KIAA1549L: variants seen among roughly 807,000 people sequenced by gnomAD.
KIAA1549L encodes the protein UPF0606 protein KIAA1549L.
Under a neutral mutation model 160.7 loss-of-function variants are expected in KIAA1549L, and 88 were observed. That is an observed-to-expected ratio of 0.55 (90% CI 0.46 to 0.65). The LOEUF (loss-of-function observed/expected upper bound fraction) is 0.65, where lower values mean the gene tolerates loss of function less well. KIAA1549L is among the 30% of genes least tolerant of loss of function. The pLI, the probability that KIAA1549L is intolerant of heterozygous loss-of-function variation, is 0.00. For missense variants in KIAA1549L, 2,258 were observed against 2,437.5 expected (o/e 0.93, Z 1.55); for synonymous variants, 950 against 976.7 (o/e 0.97, Z 0.51).
Position 33,523,253 on chromosome 11 carries a change from A to G in KIAA1549L, c.239-18549A>G, listed in dbSNP as rs56938081. ...GGTATCACACAAAAAAGAAACAAGA[A>G]GAAAGAGTTCTGCAGTCAACTCATT... On this transcript the variant is annotated intron_variant, in intron 1 of 20. Coordinates refer to ENST00000658780, the MANE Select transcript of KIAA1549L (RefSeq NM_012194.3). 6.3e-3 allele frequency among the ~76,000 whole-genome samples: 963 copies of G among 152,350 alleles called. 6 individuals are homozygous for G. Among genetic ancestry groups the G allele is most frequent in the African/African-American group, 0.022 (897 of 41,582 alleles).
intron 14 of KIAA1549L, 33 bp downstream of exon 14, chr11:33,606,855 T>A: frequency 1.3e-6 from 2 of 1,552,154 alleles, no homozygotes; most frequent in Non-Finnish European, 1.7e-6. Context: ...CAGGAGATGG[T>A]CCGGCCAGAC....
At chr11:33,490,897 GCCCA>G (rs1852642336) in intron 1 of KIAA1549L, among the ~76,000 whole-genome samples, 1 of 152,200 alleles carries the variant, frequency 6.6e-6, no homozygotes, top group Non-Finnish European at 1.5e-5. Flanking sequence ...AACAGGTAAT[GCCCA>G]CCCTGCTGGT....
intron 16 of KIAA1549L, among the ~76,000 whole-genome samples, chr11:33,640,820 A>G (rs375769502): frequency 1.7e-4 from 26 of 152,342 alleles, no homozygotes; most frequent in African/African-American, 5.5e-4. Flanking sequence ...ATTAATTTAT[A>G]AAAACAGCTT....
rs1852707873 is a variant in KIAA1549L at position 33,672,926 on chromosome 11, G to A, written c.*4772G>A. On this transcript the variant is annotated 3_prime_UTR_variant, in exon 21 of 21. Coordinates refer to ENST00000658780, the MANE Select transcript of KIAA1549L (RefSeq NM_012194.3). ...CTTGCATGGATAAGAAAACCAATGA[G>A]CCCCTCAACAGAGTCTTTTGAAACA... 1 of 153,774 alleles carries A rather than the reference G, an allele frequency of 6.5e-6. No homozygotes were observed. The highest frequency in any genetic ancestry group is 1.5e-5 in the Non-Finnish European group (1 of 68,046). The allele number at this position is 153,774 out of a possible 1,614,324, so 9.5% of individuals were successfully genotyped here.
chr11:33,643,842 G>A (rs1045265470), intron 16 of KIAA1549L, among the ~76,000 whole-genome samples: 1 of 152,198 alleles, frequency 6.6e-6, no homozygotes, highest in Non-Finnish European at 1.5e-5. Context: ...TAACTTTCAA[G>A]GGTTGCATTC....
intron 15 of KIAA1549L, among the ~76,000 whole-genome samples, chr11:33,614,040 G>T (rs966365330): frequency 3.4e-4 from 52 of 152,048 alleles, no homozygotes; most frequent in Non-Finnish European, 1.2e-4. Flanking sequence ...CTTTTTCTCG[G>T]CAGCCACCAA....
At chr11:33,438,394 A>C (rs910294843) in intron 1 of KIAA1549L, among the ~76,000 whole-genome samples, 1 of 152,232 alleles carries the variant, frequency 6.6e-6, no homozygotes, top group Non-Finnish European at 1.5e-5. Context: ...GTTAGAACCC[A>C]GGTCTTGTCT....
At chr11:33,398,776 T>C (rs565570720) in intron 1 of KIAA1549L, among the ~76,000 whole-genome samples, 1 of 152,298 alleles carries the variant, frequency 6.6e-6, no homozygotes, top group African/African-American at 2.4e-5. Flanking sequence ...TACAAATACA[T>C]TTGTAACCAT....
intron 1 of KIAA1549L, among the ~76,000 whole-genome samples, chr11:33,467,707 G>A (rs962808485): frequency 2.2e-4 from 34 of 152,194 alleles, no homozygotes; most frequent in African/African-American, 7.5e-4. Flanking sequence ...TTCTAGATCA[G>A]CATTAGGGAA....
intron 1 of KIAA1549L, among the ~76,000 whole-genome samples, chr11:33,466,762 T>C: frequency 6.6e-6 from 1 of 152,118 alleles, no homozygotes; most frequent in Non-Finnish European, 1.5e-5. Context: ...ATGTGGCACA[T>C]ATACACTATG....
chr11:33,427,585 C>T (rs549482378), intron 1 of KIAA1549L, among the ~76,000 whole-genome samples: 79 of 152,244 alleles, frequency 5.2e-4, no homozygotes, highest in Non-Finnish European at 8.4e-4. Flanking sequence ...AGGCTGTCTC[C>T]GGTTCCTCAC....
chr11:33,647,375 C>CAAA (rs10578169), intron 17 of KIAA1549L, among the ~76,000 whole-genome samples: 82 of 114,994 alleles, frequency 7.1e-4, no homozygotes, highest in African/African-American at 2.1e-3. Context: ...GACTCTGTCT[C>CAAA]AAAAAAAAAA....
chr11:33,397,753 CACAA>C (rs1850413862), intron 1 of KIAA1549L, among the ~76,000 whole-genome samples: 1 of 116,936 alleles, frequency 8.6e-6, no homozygotes, highest in African/African-American at 3.1e-5. Flanking sequence ...CACACACACA[CACAA>C]AAGTGAAAAC....
chr11:33,407,287 T>C (rs923928744), intron 1 of KIAA1549L, among the ~76,000 whole-genome samples: 12 of 151,858 alleles, frequency 7.9e-5, no homozygotes, highest in Admixed American at 6.6e-4. Flanking sequence ...CGTTTCACCG[T>C]GTTAGCCAGG....
intron 1 of KIAA1549L, among the ~76,000 whole-genome samples, chr11:33,423,920 T>A (rs1851067418): frequency 6.6e-6 from 1 of 152,020 alleles, no homozygotes; most frequent in African/African-American, 2.4e-5. Context: ...TCTCAGCTAG[T>A]CTGCAGGCTG....
rs563240806 is a variant in KIAA1549L, at chr11:33,656,117, G to A, written c.5858+8G>A. On this transcript the variant is annotated splice_region_variant and intron_variant, in intron 18 of 20. Transcript: ENST00000658780. ...TGTCGCTTCTCTCAGGCGGTAACAC[G>A]TTCCTTTCTTTGTTTTGTTTGGAAT... 25 of 1,604,964 alleles carry A rather than the reference G, an allele frequency of 1.6e-5. No individual in the cohort carries two copies. Among genetic ancestry groups the A allele is most frequent in the South Asian group, 5.5e-5 (5 of 90,542 alleles).
chr11:33,543,753 C>T lies in KIAA1549L; in HGVS notation c.2190C>T (p.Ser730=). The T allele has an allele frequency of 6.2e-7, 1 of 1,614,036 alleles. No homozygotes were observed. ...ATGATTTAAATGGACACACAATTAG[C>T]ACCACAAGTTGGGAAACTCATTTAG... is the stretch of plus-strand genomic sequence containing the variant. ...TNYDLNGHTI[S]TTSWETHLAP... is the part of the protein sequence containing the mutation. The change falls in exon 2 of 21, where the codon AGC becomes AGT. Residue 730 remains serine (S), a synonymous_variant. Transcript: ENST00000658780.
rs189539722 is a variant in KIAA1549L at position 33,524,042 on chromosome 11, A to T, written c.239-17760A>T. ...TCTGTGTATTTTAAAGGCCTGAATT[A>T]GTTCAATAACATTGGAATTACCTAT... On this transcript the variant is annotated intron_variant, in intron 1 of 20. Transcript: ENST00000658780. Among the ~76,000 whole-genome samples, 3 of 152,340 alleles carry T rather than the reference A, an allele frequency of 2.0e-5. No individual in the cohort carries two copies. In the East Asian group the frequency reaches 5.8e-4, roughly 29 times the overall value.
chr11:33,568,011 T>C, intron 8 of KIAA1549L, 65 bp from the exon 9 acceptor site: 1 of 1,482,300 alleles, frequency 6.7e-7, no homozygotes, highest in Non-Finnish European at 9.0e-7. Context: ...TCAGTGGTGC[T>C]TGTGCTTACT....
Sources: gnomAD v4.1 joint callset for allele counts (sites outside exome capture counted in the v4.1 genomes callset) on GRCh38, gnomAD v4.1.1 for gene constraint, MANE v1.5 for transcripts, NCBI Gene and HGNC (gene_info 2026-07-23, HGNC 2026-07-21) for gene names.